The following TRPC7 variants were observed in gnomAD, a reference collection of about 807,000 sequenced individuals.
The protein encoded by TRPC7 is transient receptor potential cation channel subfamily C member 7, also known as short transient receptor potential channel 7.
A neutral mutation model predicts 90.1 loss-of-function variants in TRPC7; 42 were observed. That is an observed-to-expected ratio of 0.47 (90% CI 0.36 to 0.60). The LOEUF (loss-of-function observed/expected upper bound fraction) is 0.60. TRPC7 is among the 20% of genes least tolerant of loss of function. The probability of loss-of-function intolerance (pLI) is 0.00; values close to 1 mark genes in which losing one functional copy is unlikely to be tolerated. For missense variants in TRPC7, 955 were observed against 1,112.3 expected (o/e 0.86, Z 2.01); for synonymous variants, 451 against 436.3 (o/e 1.03, Z -0.42).
At chr5:136,334,698 AT>A (rs1322547737) in intron 2 of TRPC7, among the ~76,000 whole-genome samples, 1 of 152,212 alleles carries the variant, frequency 6.6e-6, no homozygotes, top group African/African-American at 2.4e-5. Flanking sequence ...TACTTTATTC[AT>A]TTGTAATTTC....
chr5:136,363,810 T>C (rs1392541741), intron 1 of TRPC7, among the ~76,000 whole-genome samples: 1 of 152,202 alleles, frequency 6.6e-6, no homozygotes, highest in Non-Finnish European at 1.5e-5. Context: ...TAGTGCTTTG[T>C]ATGTGCTTCT....
chr5:136,238,936 A>G (rs975205499), intron 7 of TRPC7, among the ~76,000 whole-genome samples: 6 of 152,204 alleles, frequency 3.9e-5, no homozygotes, highest in African/African-American at 1.4e-4. Flanking sequence ...GAGTTATACA[A>G]AGAAAAAGAC....
chr5:136,222,487 C>G (rs1184620948), intron 10 of TRPC7, among the ~76,000 whole-genome samples: 1 of 152,184 alleles, frequency 6.6e-6, no homozygotes, highest in African/African-American at 2.4e-5. Context: ...GTTCTCTGCA[C>G]ATTTGGAAGC....
At chr5:136,242,281 T>G (rs1292607668) in intron 7 of TRPC7, among the ~76,000 whole-genome samples, 1 of 152,202 alleles carries the variant, frequency 6.6e-6, no homozygotes, top group Non-Finnish European at 1.5e-5. Context: ...GTGGTCATTT[T>G]CAGTTTCTAA....
chr5:136,221,135 G>A (rs1290558671), intron 10 of TRPC7, among the ~76,000 whole-genome samples: 1 of 151,434 alleles, frequency 6.6e-6, no homozygotes, highest in Non-Finnish European at 1.5e-5. Flanking sequence ...GTGTGTGTGT[G>A]TATGTTTTGT....
Position 136,356,823 on chromosome 5 carries a change from G to C in TRPC7, c.565C>G (p.Arg189Gly). ...IVHILLLKGA[R>G]IERPHDYFCK... The stretch of plus-strand genomic sequence containing the variant: ...AAGTAGTCGTGGGGCCGCTCGATGC[G>C]GGCGCCCTTGAGCAGCAGGATGTGC... Residue 189 changes from arginine to glycine, a missense_variant, in exon 2 of 12, where the codon CGC becomes GGC. This residue lies in a region of TRPC7 where 484 missense variants were observed against 509.6 expected (regional missense o/e 0.95). Transcript: ENST00000513104. The C allele has an allele frequency of 6.2e-7, 1 of 1,613,634 alleles. No individual in the cohort carries two copies. The highest frequency in any genetic ancestry group is 1.1e-5 in the South Asian group (1 of 91,064).
chr5:136,241,781 C>A (rs754267936), intron 7 of TRPC7, among the ~76,000 whole-genome samples: 3 of 152,166 alleles, frequency 2.0e-5, no homozygotes, highest in Non-Finnish European at 4.4e-5. Context: ...GTCTTAAACT[C>A]CTAACCTCAA....
intron 2 of TRPC7, among the ~76,000 whole-genome samples, chr5:136,341,427 A>G (rs938840445): frequency 6.6e-6 from 1 of 151,806 alleles, no homozygotes; most frequent in African/African-American, 2.4e-5. Context: ...AAGTAAATAA[A>G]TTAACATATA....
chr5:136,323,057 G>A (rs955849603), intron 2 of TRPC7, among the ~76,000 whole-genome samples: 3 of 152,148 alleles, frequency 2.0e-5, no homozygotes, highest in African/African-American at 7.2e-5. Flanking sequence ...CTTGTGTTGT[G>A]GGAGGAACCC....
intron 3 of TRPC7, among the ~76,000 whole-genome samples, chr5:136,296,860 TG>T: frequency 6.6e-6 from 1 of 152,224 alleles, no homozygotes; most frequent in Non-Finnish European, 1.5e-5. Context: ...CCATATGGAA[TG>T]GAGCTGAGCC....
chr5:136,261,804 G>A (rs1756865678), intron 5 of TRPC7, among the ~76,000 whole-genome samples: 1 of 152,156 alleles, frequency 6.6e-6, no homozygotes, highest in African/African-American at 2.4e-5. Context: ...TATGTTTTCA[G>A]CCTGTCTCCC....
Position 136,315,631 on chromosome 5 carries a change from C to A in TRPC7, c.929G>T (p.Arg310Leu). The change falls in exon 3 of 12, where the codon CGG (arginine) becomes CTG (leucine). Residue 310 changes from arginine (R) to leucine (L), a missense_variant. Transcript: ENST00000513104. ...WSDHHRPSLS[R>L]IKLAIKYEVK... ...TTCATATTTAATGGCGAGTTTGATCCGGCTCAGACTTGGACGGTGGTGGTC... is the reference window on the plus strand; with the variant it reads ...TTCATATTTAATGGCGAGTTTGATCAGGCTCAGACTTGGACGGTGGTGGTC... 6.2e-7 allele frequency: 1 copy of A among 1,613,738 alleles called. No homozygotes were observed. Among genetic ancestry groups the A allele is most frequent in the Non-Finnish European group, 8.5e-7 (1 of 1,179,814 alleles).
chr5:136,363,707 A>G (rs1195269948), intron 1 of TRPC7, among the ~76,000 whole-genome samples: 1 of 152,188 alleles, frequency 6.6e-6, no homozygotes, highest in Admixed American at 6.5e-5. Context: ...TGTTTCTATT[A>G]GTAATTTATT....
At chr5:136,233,864 A>G (rs564504763) in intron 7 of TRPC7, among the ~76,000 whole-genome samples, 3 of 152,250 alleles carry the variant, frequency 2.0e-5, no homozygotes, top group African/African-American at 4.8e-5. Context: ...TCTCATTTGC[A>G]TCTTGCCATA....
chr5:136,338,543 GA>G (rs1759740251), intron 2 of TRPC7, among the ~76,000 whole-genome samples: 1 of 152,196 alleles, frequency 6.6e-6, no homozygotes, highest in African/African-American at 2.4e-5. Flanking sequence ...TGTTTTGAAA[GA>G]AAGCCCAAGC....
intron 3 of TRPC7, among the ~76,000 whole-genome samples, chr5:136,303,196 C>T (rs2149832715): frequency 6.6e-6 from 1 of 152,288 alleles, no homozygotes; most frequent in East Asian, 1.9e-4. Flanking sequence ...CTTCTAGGCT[C>T]TTTTTCATCA....
chr5:136,363,467 T>C (rs992710998), intron 1 of TRPC7, among the ~76,000 whole-genome samples: 2 of 152,246 alleles, frequency 1.3e-5, no homozygotes, highest in South Asian at 2.1e-4. Context: ...ACAACATATA[T>C]ACTTTAAATA....
intron 10 of TRPC7, 121 bp downstream of exon 10, chr5:136,225,153 G>A (rs1755585582): frequency 1.2e-6 from 1 of 851,790 alleles, no homozygotes. Context: ...ATAAATATTT[G>A]TACAATAAAG....
intron 1 of TRPC7, among the ~76,000 whole-genome samples, chr5:136,359,281 C>T (rs1258582747): frequency 2.0e-5 from 3 of 152,134 alleles, no homozygotes; most frequent in Non-Finnish European, 4.4e-5. Flanking sequence ...GTCACACTTC[C>T]CTTGGGAAAA....
Sources: allele counts gnomAD v4.1 joint callset (sites outside exome capture counted in the v4.1 genomes callset), GRCh38; gene constraint gnomAD v4.1.1; regional missense constraint gnomAD v4.1.1; transcripts MANE v1.5; gene names NCBI Gene and HGNC (gene_info 2026-07-23, HGNC 2026-07-21).